COL15A1: variants seen among roughly 807,000 people sequenced by gnomAD.
The protein encoded by COL15A1 is collagen type XV alpha 1 chain.
A neutral mutation model predicts 165.9 loss-of-function variants in COL15A1; 111 were observed. The ratio of observed to expected loss-of-function variants is 0.67; its 90% CI spans 0.57 to 0.78. The LOEUF is 0.78. COL15A1 is among the 30% of genes least tolerant of loss of function. The pLI, the probability that COL15A1 is intolerant of heterozygous loss-of-function variation, is 0.00. For synonymous variants in COL15A1, 659 were observed against 674.8 expected (o/e 0.98, Z 0.36); for missense variants, 1,745 against 1,789.7 (o/e 0.98, Z 0.45).
intron 21 of COL15A1, among the ~76,000 whole-genome samples, chr9:99,037,328 G>T (rs1344558955): frequency 6.6e-6 from 1 of 152,138 alleles, no homozygotes; most frequent in East Asian, 1.9e-4. Context: ...TGAAATGTTT[G>T]GTGTCATTGA....
At position 98,995,191 on chromosome 9, in the gene COL15A1, G is replaced by A. The variant is rs538686350; in HGVS notation, c.805-1743G>A. Among the ~76,000 whole-genome samples, 14 of 152,248 alleles carry A rather than the reference G, an allele frequency of 9.2e-5. No homozygotes were observed. In the South Asian group the frequency reaches 1.5e-3, roughly 16 times the overall value. ...GGAGAGGAGAGGAACCTCCTGGGCAGGGGTCTTTATCTTCCCTGCTAGATG... is the reference window on the plus strand; with the variant it reads ...GGAGAGGAGAGGAACCTCCTGGGCAAGGGTCTTTATCTTCCCTGCTAGATG... On this transcript the variant is annotated intron_variant, in intron 5 of 41. Coordinates refer to ENST00000375001, the MANE Select transcript of COL15A1 (RefSeq NM_001855.5).
At chr9:99,013,449 G>T (rs1326156291) in intron 9 of COL15A1, among the ~76,000 whole-genome samples, 1 of 151,478 alleles carries the variant, frequency 6.6e-6, no homozygotes, top group Non-Finnish European at 1.5e-5. Flanking sequence ...GCTCACACTA[G>T]CCAATTGAGA....
chr9:99,056,496 C>T, intron 35 of COL15A1, 92 bp downstream of exon 35: 1 of 1,478,084 alleles, frequency 6.8e-7, no homozygotes, highest in Non-Finnish European at 8.9e-7. Context: ...GCTGCACTGC[C>T]TAACAGAGGG....
chr9:98,975,824 G>A (rs771583464), intron 2 of COL15A1, among the ~76,000 whole-genome samples: 5 of 152,224 alleles, frequency 3.3e-5, no homozygotes, highest in African/African-American at 4.8e-5. Context: ...GAGGGGGGAT[G>A]ACTTTGGCCC....
At position 99,060,256 on chromosome 9, in the gene COL15A1, ATT is replaced by A. The variant is rs57568579; in HGVS notation, c.3402+312_3402+313del. Among the ~76,000 whole-genome samples, 480 of 137,154 alleles carry A rather than the reference ATT, an allele frequency of 3.5e-3. 4 individuals carry two copies. Among genetic ancestry groups the A allele is most frequent in the African/African-American group, 0.013 (454 of 35,190 alleles). The allele number at this position is 137,154 out of a possible 152,430, so 90.0% of individuals were successfully genotyped here. A position where few individuals can be genotyped will look rare whatever the true frequency, so the allele number is the denominator to read the frequency against. On this transcript the variant is annotated intron_variant, in intron 36 of 41. Coordinates refer to ENST00000375001, the MANE Select transcript of COL15A1 (RefSeq NM_001855.5). ...TTTTTATATATATATATATATATAT[ATT>A]TTTTTTTTGCTGGATGAGGGGTGGA... is the stretch of plus-strand genomic sequence containing the variant.
chr9:98,983,015 A>T (rs1036810268), intron 2 of COL15A1, among the ~76,000 whole-genome samples: 1 of 152,028 alleles, frequency 6.6e-6, no homozygotes, highest in Non-Finnish European at 1.5e-5. Flanking sequence ...ACAACGCTAT[A>T]GGCTAATTAC....
At position 99,050,095 on chromosome 9, in the gene COL15A1, G is replaced by A. The variant is rs910215209; in HGVS notation, c.2904+200G>A. On this transcript the variant is annotated intron_variant, in intron 30 of 41. Coordinates refer to ENST00000375001, the MANE Select transcript of COL15A1 (RefSeq NM_001855.5). ...ATGAAATATACTGGATCTTCTAAGGGTGCACACACGGTGAGGTGCTTCTTT... is the reference window on the plus strand; with the variant it reads ...ATGAAATATACTGGATCTTCTAAGGATGCACACACGGTGAGGTGCTTCTTT... Among the ~76,000 whole-genome samples the A allele has an allele frequency of 2.6e-5, 4 of 152,294 alleles. No individual in the cohort carries two copies. In the East Asian group the frequency reaches 7.7e-4, roughly 29 times the overall value.
At chr9:98,978,326 G>C (rs1228869190) in intron 2 of COL15A1, among the ~76,000 whole-genome samples, 25 of 152,140 alleles carry the variant, frequency 1.6e-4, no homozygotes, top group Admixed American at 1.6e-3. Context: ...TGTGTCGCCT[G>C]AACGCTTAAC....
chr9:99,069,203 T>C (rs1825943278), intron 41 of COL15A1, among the ~76,000 whole-genome samples: 5 of 152,148 alleles, frequency 3.3e-5, no homozygotes, highest in Admixed American at 3.3e-4. Flanking sequence ...GGGCTCACAG[T>C]CTACAGAGGA....
intron 31 of COL15A1, 48 bp downstream of exon 31, chr9:99,052,481 A>G: frequency 6.8e-7 from 1 of 1,470,966 alleles, no homozygotes; most frequent in Non-Finnish European, 9.5e-7. Flanking sequence ...CATCTCCTTG[A>G]GGAAGATGGT....
At chr9:99,013,135 C>T (rs140558965) in intron 9 of COL15A1, among the ~76,000 whole-genome samples, 6 of 152,272 alleles carry the variant, frequency 3.9e-5, no homozygotes, top group Non-Finnish European at 7.4e-5. Flanking sequence ...CACCCTCTTA[C>T]GTGTCTCAGT....
At chr9:99,053,266 C>T (rs1002794754) in intron 31 of COL15A1, among the ~76,000 whole-genome samples, 24 of 152,350 alleles carry the variant, frequency 1.6e-4, no homozygotes, top group South Asian at 4.1e-4. Context: ...CCCCGGCCCA[C>T]GAGGTGGTGG....
At chr9:99,005,737 G>A (rs181462249) in intron 9 of COL15A1, among the ~76,000 whole-genome samples, 7 of 152,198 alleles carry the variant, frequency 4.6e-5, no homozygotes, top group East Asian at 1.9e-4. Flanking sequence ...ATGAATCGCC[G>A]GCTCTGTCCT....
At position 99,024,285 on chromosome 9, in the gene COL15A1, GT is replaced by G. The variant is rs1016769818; in HGVS notation, c.1855-576del. Among the ~76,000 whole-genome samples the G allele has an allele frequency of 5.8e-3, 752 of 129,470 alleles. 17 individuals are homozygous for G. The highest frequency in any genetic ancestry group is 0.02 in the Middle Eastern group (5 of 254). 84.9% of individuals were successfully genotyped at this position (129,470 alleles called of 152,430 possible). On this transcript the variant is annotated intron_variant, in intron 14 of 41. Coordinates refer to ENST00000375001, the MANE Select transcript of COL15A1 (RefSeq NM_001855.5). Reference sequence around the variant, plus strand: ...CACAAGCAGTTTTTTTTGTTTTTTTGTTTTTTTTTTTTTGAGATGGAGTCTT... The same window carrying G: ...CACAAGCAGTTTTTTTTGTTTTTTTGTTTTTTTTTTTTGAGATGGAGTCTT...
At chr9:98,981,457 C>CA (rs956078953) in intron 2 of COL15A1, among the ~76,000 whole-genome samples, 7 of 147,906 alleles carry the variant, frequency 4.7e-5, no homozygotes, top group South Asian at 2.2e-4. Flanking sequence ...GACTCTGTCT[C>CA]AAAAAAAAAG....
chr9:99,040,157 G>A (rs1415424311), intron 22 of COL15A1, among the ~76,000 whole-genome samples: 1 of 152,142 alleles, frequency 6.6e-6, no homozygotes, highest in Non-Finnish European at 1.5e-5. Flanking sequence ...CTTCCCAAGG[G>A]GTCTTTGTTT....
intron 10 of COL15A1, 149 bp from the exon 11 acceptor site, chr9:99,015,827 A>G: frequency 2.0e-6 from 2 of 990,952 alleles, no homozygotes; most frequent in Non-Finnish European, 3.0e-6. Context: ...AGAGATGCAT[A>G]TTTCAGAAGG....
Position 98,999,684 on chromosome 9 carries a change from A to AT in COL15A1, c.953-1146dup, listed in dbSNP as rs970512803. ...CAGCCACATGCCACAATGCCTGGCT[A>AT]TTTTTTTTTATTTTTAGTAGAGATG... On this transcript the variant is annotated intron_variant, in intron 6 of 41. Coordinates refer to ENST00000375001, the MANE Select transcript of COL15A1 (RefSeq NM_001855.5). Among the ~76,000 whole-genome samples the AT allele has an allele frequency of 1.4e-4, 21 of 147,544 alleles. No homozygotes were observed. The East Asian group carries it at 3.2e-3, about 22-fold the overall frequency.
At chr9:98,996,404 G>A (rs975704996) in intron 5 of COL15A1, among the ~76,000 whole-genome samples, 2 of 152,166 alleles carry the variant, frequency 1.3e-5, no homozygotes, top group Non-Finnish European at 1.5e-5. Flanking sequence ...GGTTTTGTTT[G>A]TTTGCTTTTC....
Sources: allele counts gnomAD v4.1 joint callset (sites outside exome capture counted in the v4.1 genomes callset), GRCh38; gene constraint gnomAD v4.1.1; transcripts MANE v1.5; gene names NCBI Gene and HGNC (gene_info 2026-07-23, HGNC 2026-07-21).